Variants in KIF16B observed in about 807,000 individuals in gnomAD.
The protein encoded by KIF16B is kinesin family member 16B, also known as kinesin-like protein KIF16B.
In KIF16B, 98 loss-of-function variants were observed where a neutral mutation model predicts 156.3. The observed-to-expected ratio is 0.63, with a 90% CI of 0.53 to 0.74. The LOEUF (loss-of-function observed/expected upper bound fraction) is 0.74. KIF16B is among the 30% of genes least tolerant of loss of function. KIF16B has a pLI of 0.00. For missense variants in KIF16B, 1,421 were observed against 1,606.5 expected (o/e 0.88, Z 1.97); for synonymous variants, 564 against 583.7 (o/e 0.97, Z 0.49).
chr20:16,322,284 T>C (rs1193045056), intron 24 of KIF16B, among the ~76,000 whole-genome samples: 1 of 152,000 alleles, frequency 6.6e-6, no homozygotes, highest in Non-Finnish European at 1.5e-5. Context: ...CTTTCCCTTC[T>C]TCAGTGCTTG....
At chr20:16,441,907 T>A (rs1006405686) in intron 12 of KIF16B, among the ~76,000 whole-genome samples, 3 of 152,214 alleles carry the variant, frequency 2.0e-5, no homozygotes, top group Non-Finnish European at 4.4e-5. Flanking sequence ...TATCTGTCTC[T>A]GTCTTTAGAT....
chr20:16,443,643 C>T (rs2146544494), intron 12 of KIF16B, among the ~76,000 whole-genome samples: 1 of 152,302 alleles, frequency 6.6e-6, no homozygotes, highest in East Asian at 1.9e-4. Flanking sequence ...AATTGATACA[C>T]TGCACTTTGA....
chr20:16,379,281 G>C lies in KIF16B; in HGVS notation c.2721C>G (p.Arg907=). The C allele has an allele frequency of 1.9e-6, 3 of 1,613,640 alleles. No homozygotes were observed. The highest frequency in any genetic ancestry group is 2.5e-6 in the Non-Finnish European group (3 of 1,179,990). ...GATTCTGCAGGAGGTACTGTAGCTG[G>C]CGTTCTTTATATTGCAGCCTGTACT... ...PVEYRLQYKE[R]QLQYLLQNHL... is the part of the protein sequence containing the mutation. The change falls in exon 19 of 26, where the codon CGC becomes CGG. Residue 907 remains arginine, a synonymous_variant. Coordinates refer to ENST00000354981, the MANE Select transcript of KIF16B (RefSeq NM_024704.5).
chr20:16,310,678 AT>A (rs1234917653), intron 25 of KIF16B, among the ~76,000 whole-genome samples: 1 of 152,108 alleles, frequency 6.6e-6, no homozygotes, highest in East Asian at 1.9e-4. Context: ...TAATTTTTTA[AT>A]TTTTTTTGTA....
At chr20:16,317,712 G>A (rs990554203) in intron 24 of KIF16B, among the ~76,000 whole-genome samples, 3 of 152,206 alleles carry the variant, frequency 2.0e-5, no homozygotes, top group African/African-American at 7.2e-5. Context: ...AGCTCAAACT[G>A]TCGGCCAGGC....
chr20:16,383,396 A>G (rs2065152324), intron 17 of KIF16B, among the ~76,000 whole-genome samples: 1 of 152,190 alleles, frequency 6.6e-6, no homozygotes, highest in Non-Finnish European at 1.5e-5. Flanking sequence ...GTTTATGAGC[A>G]ATGTTCAAAT....
chr20:16,446,447 T>G (rs1049342904), intron 12 of KIF16B, among the ~76,000 whole-genome samples: 8 of 152,182 alleles, frequency 5.3e-5, no homozygotes, highest in Non-Finnish European at 8.8e-5. Flanking sequence ...GCTGAACTGG[T>G]GGCATGTTCC....
intron 12 of KIF16B, among the ~76,000 whole-genome samples, chr20:16,491,825 G>C (rs957748211): frequency 6.6e-6 from 1 of 152,160 alleles, no homozygotes; most frequent in South Asian, 2.1e-4. Flanking sequence ...CATTCAACAG[G>C]ACCGTGGATT....
chr20:16,450,330 C>G (rs1256125073), intron 12 of KIF16B, among the ~76,000 whole-genome samples: 2 of 152,170 alleles, frequency 1.3e-5, no homozygotes, highest in African/African-American at 4.8e-5. Context: ...AAATAAGCCC[C>G]AACTCTACCA....
At chr20:16,336,682 T>A (rs2064044025) in intron 23 of KIF16B, among the ~76,000 whole-genome samples, 1 of 152,136 alleles carries the variant, frequency 6.6e-6, no homozygotes, top group East Asian at 1.9e-4. Context: ...ACTCAACATA[T>A]TCCCTCCAGT....
At chr20:16,287,741 C>T (rs1021889405) in intron 25 of KIF16B, among the ~76,000 whole-genome samples, 1 of 152,210 alleles carries the variant, frequency 6.6e-6, no homozygotes, top group Non-Finnish European at 1.5e-5. Context: ...TGGCAGCAAG[C>T]TTCTGGGGAA....
chr20:16,410,872 G>A (rs552035154), intron 15 of KIF16B, among the ~76,000 whole-genome samples: 6 of 151,260 alleles, frequency 4.0e-5, no homozygotes, highest in African/African-American at 1.2e-4. Flanking sequence ...GCACATCTCA[G>A]CACAGTTATT....
chr20:16,280,932 A>T (rs979451823), intron 25 of KIF16B, among the ~76,000 whole-genome samples: 4 of 151,928 alleles, frequency 2.6e-5, no homozygotes, highest in South Asian at 4.1e-4. Flanking sequence ...AAGCCTCCTT[A>T]TCTGCTGGCT....
chr20:16,385,655 G>A (rs1024914412), intron 17 of KIF16B, among the ~76,000 whole-genome samples: 2 of 152,172 alleles, frequency 1.3e-5, no homozygotes, highest in South Asian at 2.1e-4. Flanking sequence ...GTGTTGCCTC[G>A]CATTGCTGTG....
intron 18 of KIF16B, among the ~76,000 whole-genome samples, chr20:16,381,000 C>A (rs2065080052): frequency 6.6e-6 from 1 of 152,190 alleles, no homozygotes; most frequent in Admixed American, 6.5e-5. Context: ...CCAGGTCCTA[C>A]TAAATAAACA....
intron 22 of KIF16B, chr20:16,368,011 T>G (rs2123269208): frequency 1.4e-6 from 2 of 1,419,826 alleles, no homozygotes; most frequent in East Asian, 2.6e-5. Flanking sequence ...TAAAGTTGAC[T>G]GAAGCAGGAG....
At chr20:16,368,269 G>A in intron 22 of KIF16B, 2 of 1,002,974 alleles carry the variant, frequency 2.0e-6, no homozygotes, top group African/African-American at 1.7e-5. Flanking sequence ...CGAGGAACCT[G>A]GTAAACCTGT....
intron 1 of KIF16B, among the ~76,000 whole-genome samples, chr20:16,541,195 T>G (rs1274925067): frequency 2.6e-5 from 4 of 152,214 alleles, no homozygotes; most frequent in Non-Finnish European, 5.9e-5. Flanking sequence ...CTCCTCGCTG[T>G]TCTCCATGAA....
Position 16,521,644 on chromosome 20 carries a change from C to A in KIF16B, c.231+4448G>T, listed in dbSNP as rs1048118448. On this transcript the variant is annotated intron_variant, in intron 3 of 25. Coordinates refer to ENST00000354981, the MANE Select transcript of KIF16B (RefSeq NM_024704.5). ...TCCCCAACCTAGCAAGACAGGCCAA[C>A]ATTCAAATTCAGGAAATACAGAGAA... is the stretch of plus-strand genomic sequence containing the variant. Among the ~76,000 whole-genome samples, 5 of 152,092 alleles carry A rather than the reference C, an allele frequency of 3.3e-5. No individual in the cohort carries two copies. The East Asian group carries it at 9.7e-4, about 29-fold the overall frequency.
Sources: allele counts gnomAD v4.1 joint callset (sites outside exome capture counted in the v4.1 genomes callset), GRCh38; gene constraint gnomAD v4.1.1; transcripts MANE v1.5; gene names NCBI Gene and HGNC (gene_info 2026-07-23, HGNC 2026-07-21).